The following NKAIN3 variants were observed in gnomAD, a reference collection of about 807,000 sequenced individuals.
NKAIN3 encodes sodium/potassium-transporting ATPase subunit beta-1-interacting protein 3.
Under a neutral mutation model 30.2 loss-of-function variants are expected in NKAIN3, and 25 were observed. The ratio of observed to expected loss-of-function variants is 0.83; its 90% confidence interval spans 0.60 to 1.16. NKAIN3 has a LOEUF of 1.16. Among genes scored for constraint, NKAIN3 ranks in the 50% most tolerant of loss-of-function variants. The pLI is 0.00. For synonymous variants in NKAIN3, 91 were observed against 89.6 expected (o/e 1.02, Z -0.09); for missense variants, 225 against 254.1 (o/e 0.89, Z 0.78).
intron 1 of NKAIN3, among the ~76,000 whole-genome samples, chr8:62,437,537 A>G (rs2129597991): frequency 6.6e-6 from 1 of 152,316 alleles, no homozygotes; most frequent in East Asian, 1.9e-4. Flanking sequence ...TGACTTATAG[A>G]TGCTGAGGCA....
chr8:62,440,489 T>C (rs1455176541), intron 1 of NKAIN3, among the ~76,000 whole-genome samples: 1 of 152,186 alleles, frequency 6.6e-6, no homozygotes, highest in Non-Finnish European at 1.5e-5. Context: ...TCATAGGTCA[T>C]CATGTCTAAC....
intron 3 of NKAIN3, among the ~76,000 whole-genome samples, chr8:62,650,322 G>T (rs944879379): frequency 1.1e-4 from 16 of 152,026 alleles, no homozygotes; most frequent in Non-Finnish European, 1.6e-4. Flanking sequence ...GAGTAACAAT[G>T]CTCTAATTGG....
chr8:62,813,084 C>G lies in NKAIN3; in HGVS notation c.471+65955C>G, dbSNP rs537806763. On this transcript the variant is annotated intron_variant, in intron 4 of 6. Coordinates refer to ENST00000623646, the MANE Select transcript of NKAIN3 (RefSeq NM_001304533.3). ...ACAGTGATATCCAATTTTCCTGGCA[C>G]CATTTATTAAAAAGGGTGTGTCCTT... Among the ~76,000 whole-genome samples the G allele has an allele frequency of 2.0e-4, 31 of 151,970 alleles. No individual in the cohort carries two copies. The South Asian group carries it at 6.0e-3, about 29-fold the overall frequency.
chr8:62,502,720 G>T (rs1260878910), intron 1 of NKAIN3, among the ~76,000 whole-genome samples: 2 of 152,128 alleles, frequency 1.3e-5, no homozygotes, highest in African/African-American at 4.8e-5. Context: ...GTATATACCA[G>T]TTATTTTCCT....
intron 4 of NKAIN3, among the ~76,000 whole-genome samples, chr8:62,860,399 C>A (rs1381015570): frequency 1.3e-5 from 2 of 152,210 alleles, no homozygotes; most frequent in African/African-American, 4.8e-5. Context: ...ACTCAAGGGG[C>A]TGTTGAAAAG....
At chr8:62,788,428 A>G (rs1817593917) in intron 4 of NKAIN3, among the ~76,000 whole-genome samples, 1 of 151,910 alleles carries the variant, frequency 6.6e-6, no homozygotes, top group Non-Finnish European at 1.5e-5. Flanking sequence ...TAGATTCTGG[A>G]TATTAGCCCT....
At chr8:62,882,991 G>T (rs751549694) in intron 4 of NKAIN3, among the ~76,000 whole-genome samples, 33 of 152,116 alleles carry the variant, frequency 2.2e-4, no homozygotes, top group Admixed American at 6.6e-4. Flanking sequence ...TTGAAGTTTG[G>T]TAGTAACAGT....
chr8:62,816,272 T>C (rs1366180819), intron 4 of NKAIN3, among the ~76,000 whole-genome samples: 1 of 152,132 alleles, frequency 6.6e-6, no homozygotes, highest in African/African-American at 2.4e-5. Flanking sequence ...GTGTAGTCTT[T>C]GTATGATTTG....
intron 4 of NKAIN3, among the ~76,000 whole-genome samples, chr8:62,831,344 A>G (rs1207537003): frequency 1.3e-5 from 2 of 152,216 alleles, no homozygotes; most frequent in Non-Finnish European, 2.9e-5. Context: ...ATGTGGTGAC[A>G]CCAAAGAATC....
intron 4 of NKAIN3, among the ~76,000 whole-genome samples, chr8:62,819,133 T>TTATATATATA (rs71559380): frequency 1.0e-5 from 1 of 98,870 alleles, no homozygotes; most frequent in African/African-American, 3.4e-5. Context: ...AGAATTATCG[T>TTATATATATA]TATATATATA....
chr8:62,475,145 T>C (rs1255382534), intron 1 of NKAIN3, among the ~76,000 whole-genome samples: 1 of 152,050 alleles, frequency 6.6e-6, no homozygotes, highest in Non-Finnish European at 1.5e-5. Flanking sequence ...AAAAAAAGAA[T>C]AAAGACAATG....
intron 3 of NKAIN3, among the ~76,000 whole-genome samples, chr8:62,709,320 G>A (rs1476202976): frequency 6.6e-6 from 1 of 152,030 alleles, no homozygotes; most frequent in Non-Finnish European, 1.5e-5. Flanking sequence ...TGAATGGCTG[G>A]TATAATTCAG....
chr8:62,899,929 T>G (rs1377674389), intron 4 of NKAIN3, among the ~76,000 whole-genome samples: 2 of 152,012 alleles, frequency 1.3e-5, no homozygotes, highest in Non-Finnish European at 2.9e-5. Flanking sequence ...GGGTACAATG[T>G]ACACTACTCA....
intron 1 of NKAIN3, among the ~76,000 whole-genome samples, chr8:62,262,197 T>C (rs1170032184): frequency 6.6e-6 from 1 of 152,126 alleles, no homozygotes; most frequent in Non-Finnish European, 1.5e-5. Context: ...TTTTCTTTTG[T>C]TTTGTTTTTG....
chr8:62,619,518 C>T (rs1455493047), intron 3 of NKAIN3, among the ~76,000 whole-genome samples: 1 of 152,126 alleles, frequency 6.6e-6, no homozygotes, highest in Non-Finnish European at 1.5e-5. Context: ...TCCCACCTTT[C>T]TGGACCCAAC....
chr8:62,983,551 A>G lies in NKAIN3; in HGVS notation c.*18144A>G, dbSNP rs1376602250. 1 of 152,226 alleles carries G rather than the reference A, an allele frequency of 6.6e-6. No individual in the cohort carries two copies. The highest frequency in any genetic ancestry group is 2.4e-5 in the African/African-American group (1 of 41,454). The allele number at this position is 152,226 out of a possible 1,614,324, so 9.4% of individuals were successfully genotyped here. On this transcript the variant is annotated 3_prime_UTR_variant, in exon 7 of 7. Coordinates refer to ENST00000623646, the MANE Select transcript of NKAIN3 (RefSeq NM_001304533.3). ...TTTTAATTTAGGGAGTTTAGGAGAT[A>G]CATCCTAGTGTGGATTTCACATGGT...
chr8:62,430,766 AG>A (rs1197144660), intron 1 of NKAIN3, among the ~76,000 whole-genome samples: 2 of 151,998 alleles, frequency 1.3e-5, no homozygotes, highest in Admixed American at 1.3e-4. Flanking sequence ...AATACAATGC[AG>A]TAATGTGAGT....
At chr8:62,456,934 C>A (rs1351164269) in intron 1 of NKAIN3, among the ~76,000 whole-genome samples, 1 of 152,232 alleles carries the variant, frequency 6.6e-6, no homozygotes, top group African/African-American at 2.4e-5. Context: ...CATGACCTTT[C>A]TCGTTGTACC....
intron 1 of NKAIN3, among the ~76,000 whole-genome samples, chr8:62,356,981 A>G (rs1160477539): frequency 6.6e-6 from 1 of 152,172 alleles, no homozygotes; most frequent in East Asian, 1.9e-4. Flanking sequence ...TCTCACCTGT[A>G]GTCCCAGCTA....
Sources: allele counts gnomAD v4.1 joint callset (sites outside exome capture counted in the v4.1 genomes callset), GRCh38; gene constraint gnomAD v4.1.1; transcripts MANE v1.5; gene names NCBI Gene and HGNC (gene_info 2026-07-23, HGNC 2026-07-21).